The following HEATR5B variants were observed in gnomAD, a reference collection of about 807,000 sequenced individuals.
HEATR5B encodes the protein HEAT repeat containing 5B, also known as HEAT repeat-containing protein 5B.
In HEATR5B, 156 loss-of-function variants were observed where a neutral mutation model predicts 224.1. The observed-to-expected ratio is 0.70, with a 90% CI of 0.61 to 0.80. The LOEUF is 0.80. Among genes scored for constraint, HEATR5B ranks in the 30% least tolerant of loss-of-function variants. The pLI, the probability that HEATR5B is intolerant of heterozygous loss-of-function variation, is 0.00. For missense variants in HEATR5B, 2,323 were observed against 2,535.5 expected (o/e 0.92, Z 1.80); for synonymous variants, 1,027 against 893.0 (o/e 1.15, Z -2.68).
intron 14 of HEATR5B, among the ~76,000 whole-genome samples, chr2:37,057,862 G>A (rs906809690): frequency 1.3e-5 from 2 of 151,872 alleles, no homozygotes; most frequent in African/African-American, 4.8e-5. Context: ...CACAAACAAA[G>A]ATACTTTATT....
chr2:37,014,009 T>C lies in HEATR5B; in HGVS notation c.4116A>G (p.Thr1372=), dbSNP rs754737275. The change falls in exon 27 of 36, where the codon ACA becomes ACG. Residue 1372 remains threonine (T), a synonymous_variant. Coordinates refer to ENST00000233099, the MANE Select transcript of HEATR5B (RefSeq NM_019024.3). The part of the protein sequence containing the change: ...IIAKACQVCS[T]WIGSGVVSDL... Reference sequence around the variant, plus strand: ...CACTGACAACTCCACTTCCTATCCATGTACTACATACCTAGACAAAGAGAA... The same window carrying C: ...CACTGACAACTCCACTTCCTATCCACGTACTACATACCTAGACAAAGAGAA... 27 of 1,590,028 alleles carry C rather than the reference T, an allele frequency of 1.7e-5. No homozygotes were observed. Among genetic ancestry groups the C allele is most frequent in the Non-Finnish European group, 2.1e-5 (24 of 1,165,570 alleles).
chr2:37,076,097 T>C (rs1247792525), intron 4 of HEATR5B: 2 of 152,564 alleles, frequency 1.3e-5, no homozygotes, highest in Non-Finnish European at 2.9e-5. Context: ...ACTCAAACTG[T>C]TATATCCATA....
intron 14 of HEATR5B, among the ~76,000 whole-genome samples, chr2:37,058,094 G>A (rs1671027061): frequency 6.6e-6 from 1 of 152,072 alleles, no homozygotes; most frequent in South Asian, 2.1e-4. Context: ...AATCAAAAGT[G>A]CACACTTTGA....
Position 37,019,860 on chromosome 2 carries a change from T to G in HEATR5B, c.4053A>C (p.Arg1351Ser). 1 of 1,608,544 alleles carries G rather than the reference T, an allele frequency of 6.2e-7. No individual in the cohort carries two copies. Among genetic ancestry groups the G allele is most frequent in the Non-Finnish European group, 8.5e-7 (1 of 1,177,372 alleles). ...QYQANVGAAL[R>S]PAFSQDTPSD... ...ATGGTGTATCTTGTGAAAAGGCTGG[T>G]CTTAGAGCAGCTCCCACCTAGAAAA... The change falls in exon 26 of 36, where the codon AGA (arginine) becomes AGC (serine). Residue 1351 changes from arginine (R) to serine (S), a missense_variant. Around this residue, in one of 12 missense-constraint regions of HEATR5B, gnomAD observed 339 missense variants for 378.4 expected, o/e 0.90. Transcript: ENST00000233099.
chr2:37,062,467 T>C (rs1671343938), intron 10 of HEATR5B, among the ~76,000 whole-genome samples: 1 of 152,150 alleles, frequency 6.6e-6, no homozygotes, highest in African/African-American at 2.4e-5. Flanking sequence ...GTTATTAGCA[T>C]GTTTTTGAAA....
chr2:37,023,672 G>C (rs988300416), intron 24 of HEATR5B, among the ~76,000 whole-genome samples: 2 of 152,116 alleles, frequency 1.3e-5, no homozygotes, highest in African/African-American at 4.8e-5. Flanking sequence ...AGGAGGCTGA[G>C]GCAGGAAGAT....
At position 37,065,761 on chromosome 2, in the gene HEATR5B, A is replaced by G. The variant is rs377191133; in HGVS notation, c.1327T>C (p.Ser443Pro). 410 of 1,613,076 alleles carry G rather than the reference A, an allele frequency of 2.5e-4. No homozygotes were observed. The highest frequency in any genetic ancestry group is 3.3e-4 in the Non-Finnish European group (387 of 1,179,330). Reference sequence around the variant, plus strand: ...AAGTAACTGAATGTCATACCTATAGATGCTTCTTGAATAAGAGGGGATGCG... The same window carrying G: ...AAGTAACTGAATGTCATACCTATAGGTGCTTCTTGAATAAGAGGGGATGCG... Reference protein sequence around the residue: ...ATASPLIQEASIGLLEIVTSV... With the variant: ...ATASPLIQEAPIGLLEIVTSV... Residue 443 changes from serine (S) to proline (P), a missense_variant, in exon 9 of 36, where the codon TCT becomes CCT. Physicochemically the swap from Ser to Pro is moderately conservative, Grantham distance 74. Coordinates refer to ENST00000233099, the MANE Select transcript of HEATR5B (RefSeq NM_019024.3).
chr2:37,060,510 A>G (rs1379774973), intron 12 of HEATR5B, 71 bp downstream of exon 12: 1 of 1,306,118 alleles, frequency 7.7e-7, no homozygotes, highest in East Asian at 2.5e-5. Flanking sequence ...TAAAATAGTG[A>G]TTTTTCTTTT....
At chr2:37,043,798 G>GT (rs1277446206) in intron 18 of HEATR5B, among the ~76,000 whole-genome samples, 1 of 152,104 alleles carries the variant, frequency 6.6e-6, no homozygotes, top group South Asian at 2.1e-4. Flanking sequence ...TATTTTATTT[G>GT]TATCTTTTCA....
At position 37,040,507 on chromosome 2, in the gene HEATR5B, A is replaced by C. The variant is rs1669802997; in HGVS notation, c.2868T>G (p.Leu956=). Residue 956 remains leucine, a synonymous_variant, in exon 20 of 36, where the codon CTT becomes CTG. Transcript: ENST00000233099. ...GTSPEVQTWS[L]HSLALIVDSS... is the part of the protein sequence containing the mutation. ...AATCCACTATCAAAGCAAGTGAATG[A>C]AGAGACCAAGTCTAGAATAAAATAT... The C allele has an allele frequency of 6.2e-7, 1 of 1,606,684 alleles. No individual in the cohort carries two copies. Among genetic ancestry groups the C allele is most frequent in the African/African-American group, 1.3e-5 (1 of 74,560 alleles).
chr2:37,011,580 G>A (rs1667791257), intron 27 of HEATR5B, among the ~76,000 whole-genome samples: 1 of 152,086 alleles, frequency 6.6e-6, no homozygotes, highest in African/African-American at 2.4e-5. Context: ...GATGTACAGA[G>A]ATTCTGTATT....
chr2:37,050,234 T>C (rs1223185616), intron 17 of HEATR5B, among the ~76,000 whole-genome samples: 1 of 152,172 alleles, frequency 6.6e-6, no homozygotes, highest in African/African-American at 2.4e-5. Flanking sequence ...CTTTCTAAAA[T>C]ATACATACAT....
At chr2:36,996,747 C>T (rs1296813512) in intron 33 of HEATR5B, among the ~76,000 whole-genome samples, 2 of 152,118 alleles carry the variant, frequency 1.3e-5, no homozygotes, top group African/African-American at 4.8e-5. Context: ...CATGTGCCAC[C>T]ACGCCCAGCT....
At chr2:37,048,035 T>C (rs978340735) in intron 18 of HEATR5B, among the ~76,000 whole-genome samples, 1 of 152,184 alleles carries the variant, frequency 6.6e-6, no homozygotes, top group East Asian at 1.9e-4. Context: ...TAATAATTAT[T>C]TCAGATCATA....
intron 21 of HEATR5B, among the ~76,000 whole-genome samples, chr2:37,034,943 G>A (rs1669384218): frequency 6.6e-6 from 1 of 152,176 alleles, no homozygotes; most frequent in African/African-American, 2.4e-5. Context: ...CAAAGTTCAA[G>A]CATGGTCATA....
intron 27 of HEATR5B, among the ~76,000 whole-genome samples, chr2:37,010,347 G>A (rs1258387687): frequency 6.6e-6 from 1 of 152,074 alleles, no homozygotes; most frequent in African/African-American, 2.4e-5. Context: ...TTGATGAGAA[G>A]CACTGTGTCT....
intron 21 of HEATR5B, 26 bp downstream of exon 21, chr2:37,037,827 TCA>T (rs765409953): frequency 7.0e-7 from 1 of 1,423,276 alleles, no homozygotes; most frequent in South Asian, 1.7e-5. Flanking sequence ...AACTTAAAAA[TCA>T]ATGAATGAAA....
At chr2:37,004,515 C>A (rs969107062) in intron 30 of HEATR5B, among the ~76,000 whole-genome samples, 2 of 151,792 alleles carry the variant, frequency 1.3e-5, no homozygotes, top group Non-Finnish European at 2.9e-5. Flanking sequence ...TGGCTCCTTC[C>A]TTTCCCAGCC....
Position 37,005,849 on chromosome 2 carries a change from C to T in HEATR5B, c.4778-90G>A, listed in dbSNP as rs1312033862. The stretch of plus-strand genomic sequence containing the variant: ...TATTTCTTCTCTATTTATGTTTTTA[C>T]AGATTACCTTAACATGTATTTATTA... On this transcript the variant is annotated intron_variant, in intron 29 of 35. Coordinates refer to ENST00000233099, the MANE Select transcript of HEATR5B (RefSeq NM_019024.3). 17 of 1,031,828 alleles carry T rather than the reference C, an allele frequency of 1.6e-5. No homozygotes were observed. The South Asian group carries it at 1.9e-4, about 12-fold the overall frequency. 63.9% of individuals were successfully genotyped at this position (1,031,828 alleles called of 1,614,324 possible). A position where few individuals can be genotyped will look rare whatever the true frequency, so the allele number is the denominator to read the frequency against.
Sources: gnomAD v4.1 joint callset for allele counts (sites outside exome capture counted in the v4.1 genomes callset) on GRCh38, gnomAD v4.1.1 for gene constraint, gnomAD v4.1.1 regional missense constraint, MANE v1.5 for transcripts, NCBI Gene and HGNC (gene_info 2026-07-23, HGNC 2026-07-21) for gene names.